KHDRBS2: variants seen among roughly 807,000 people sequenced by gnomAD.
KHDRBS2 encodes KH RNA binding domain containing, signal transduction associated 2, also known as KH domain-containing, RNA-binding, signal transduction-associated protein 2.
A neutral mutation model predicts 44.3 loss-of-function variants in KHDRBS2; 26 were observed. That is an observed-to-expected ratio of 0.59 (90% confidence interval 0.43 to 0.81). The LOEUF is 0.81. Ranked by LOEUF, KHDRBS2 falls within the 40% of genes least tolerant of loss-of-function variation. The probability of loss-of-function intolerance (pLI) is 0.00; values close to 1 mark genes in which losing one functional copy is unlikely to be tolerated. For missense variants in KHDRBS2, 476 were observed against 433.1 expected (o/e 1.10, Z -0.88); for synonymous variants, 194 against 151.1 (o/e 1.28, Z -2.08).
chr6:61,739,720 A>G (rs773291442), intron 6 of KHDRBS2, among the ~76,000 whole-genome samples: 2 of 151,932 alleles, frequency 1.3e-5, no homozygotes, highest in Non-Finnish European at 2.9e-5. Context: ...TCTGTAGTGT[A>G]AAAACTCTTA....
chr6:61,834,872 G>C (rs1792405735), intron 6 of KHDRBS2, among the ~76,000 whole-genome samples: 1 of 151,844 alleles, frequency 6.6e-6, no homozygotes, highest in Admixed American at 6.6e-5. Flanking sequence ...TTTAAAATTT[G>C]GTGTCGTAAA....
chr6:61,588,727 G>T, the KHDRBS2 span, among the ~76,000 whole-genome samples: 2 of 152,040 alleles, frequency 1.3e-5, no homozygotes, highest in East Asian at 3.9e-4. Flanking sequence ...GGGAGGTCAC[G>T]GTTGCAGTGA....
At chr6:62,076,407 T>A (rs1796343728) in intron 2 of KHDRBS2, among the ~76,000 whole-genome samples, 1 of 151,970 alleles carries the variant, frequency 6.6e-6, no homozygotes, top group South Asian at 2.1e-4. Context: ...GAAGAGATTG[T>A]GATGTTGGGA....
chr6:62,201,647 T>C (rs1827017567), intron 1 of KHDRBS2, among the ~76,000 whole-genome samples: 1 of 152,062 alleles, frequency 6.6e-6, no homozygotes. Context: ...CACTTTCGCT[T>C]TGGAAAAAAA....
At chr6:61,762,945 G>T (rs1287961689) in intron 6 of KHDRBS2, among the ~76,000 whole-genome samples, 2 of 152,092 alleles carry the variant, frequency 1.3e-5, no homozygotes, top group Non-Finnish European at 2.9e-5. Flanking sequence ...GCAGGAATGA[G>T]GGGTAGAGAG....
intron 2 of KHDRBS2, among the ~76,000 whole-genome samples, chr6:62,062,052 G>C (rs1217866563): frequency 6.6e-6 from 1 of 151,586 alleles, no homozygotes; most frequent in African/African-American, 2.4e-5. Flanking sequence ...TAATGGTAAA[G>C]GGATCAATTC....
intron 2 of KHDRBS2, among the ~76,000 whole-genome samples, chr6:62,106,083 C>A (rs1346970649): frequency 6.6e-6 from 1 of 152,068 alleles, no homozygotes; most frequent in African/African-American, 2.4e-5. Context: ...TGCAGTTGAG[C>A]AGTTTTGAGT....
At position 61,793,782 on chromosome 6, in the gene KHDRBS2, A is replaced by G. The variant is rs116753863; in HGVS notation, c.811-61018T>C. On this transcript the variant is annotated intron_variant, in intron 6 of 8. Coordinates refer to ENST00000281156, the MANE Select transcript of KHDRBS2 (RefSeq NM_152688.4). ...TCAAACACTTATTTTTGTAATGGTT[A>G]TGTGCAGACAGTATTTTTGTTCCTA... 4.4e-3 allele frequency among the ~76,000 whole-genome samples: 668 copies of G among 152,234 alleles called. 9 individuals carry two copies. Among genetic ancestry groups the G allele is most frequent in the African/African-American group, 0.015 (642 of 41,570 alleles).
At chr6:62,231,454 C>G (rs952156118) in intron 1 of KHDRBS2, among the ~76,000 whole-genome samples, 1 of 152,120 alleles carries the variant, frequency 6.6e-6, no homozygotes, top group Admixed American at 6.5e-5. Context: ...GAAGCCACCC[C>G]TATAACCCAA....
At chr6:61,584,007 A>G in the KHDRBS2 span, among the ~76,000 whole-genome samples, 5 of 151,494 alleles carry the variant, frequency 3.3e-5, no homozygotes, top group African/African-American at 1.2e-4. Flanking sequence ...TCAAGTTCAA[A>G]TTTTTCATTG....
At chr6:61,832,837 G>A (rs114693329) in intron 6 of KHDRBS2, among the ~76,000 whole-genome samples, 27 of 152,222 alleles carry the variant, frequency 1.8e-4, no homozygotes, top group Non-Finnish European at 2.6e-4. Flanking sequence ...AATGGCTTGC[G>A]TGATTGAACC....
intron 7 of KHDRBS2, among the ~76,000 whole-genome samples, chr6:61,699,127 A>T (rs1768268173): frequency 6.6e-6 from 1 of 152,052 alleles, no homozygotes; most frequent in Non-Finnish European, 1.5e-5. Context: ...TTCCAAGCAG[A>T]TTTTCTAGAA....
intron 6 of KHDRBS2, among the ~76,000 whole-genome samples, chr6:61,885,786 A>G (rs1241308086): frequency 6.6e-6 from 1 of 152,098 alleles, no homozygotes; most frequent in Admixed American, 6.5e-5. Context: ...ATGTAAACAC[A>G]TTTATAATCC....
intron 4 of KHDRBS2, among the ~76,000 whole-genome samples, chr6:61,960,232 C>A (rs1203711508): frequency 6.6e-6 from 1 of 151,998 alleles, no homozygotes. Context: ...CTTATAGTAC[C>A]TATTCTCTTG....
intron 1 of KHDRBS2, among the ~76,000 whole-genome samples, chr6:62,249,008 T>C (rs1836086016): frequency 6.6e-6 from 1 of 152,248 alleles, no homozygotes; most frequent in East Asian, 1.9e-4. Context: ...CTTTACATTT[T>C]GACCATGTAC....
chr6:61,643,865 A>C, the KHDRBS2 span, among the ~76,000 whole-genome samples: 1 of 152,214 alleles, frequency 6.6e-6, no homozygotes, highest in Admixed American at 6.5e-5. Flanking sequence ...AATATCATTA[A>C]AATGGTCATA....
At chr6:61,806,623 G>GTTAT (rs2127591309) in intron 6 of KHDRBS2, among the ~76,000 whole-genome samples, 1 of 113,084 alleles carries the variant, frequency 8.8e-6, no homozygotes, top group South Asian at 3.2e-4. Flanking sequence ...TATTATATTG[G>GTTAT]TATACGGGTC....
chr6:61,670,070 C>CTGTTTGTTATTTATT, the KHDRBS2 span, among the ~76,000 whole-genome samples: 2 of 151,274 alleles, frequency 1.3e-5, no homozygotes, highest in Non-Finnish European at 3.0e-5. Flanking sequence ...CTATTAACAG[C>CTGTTTGTTATTTATT]TATCTCTGAG....
intron 2 of KHDRBS2, among the ~76,000 whole-genome samples, chr6:62,144,362 TG>T (rs1813484436): frequency 6.6e-6 from 1 of 152,034 alleles, no homozygotes; most frequent in Non-Finnish European, 1.5e-5. Flanking sequence ...GTTAATAATC[TG>T]TAAACTTGAC....
Sources: gnomAD v4.1 joint callset for allele counts (sites outside exome capture counted in the v4.1 genomes callset) on GRCh38, gnomAD v4.1.1 for gene constraint, MANE v1.5 for transcripts, NCBI Gene and HGNC (gene_info 2026-07-23, HGNC 2026-07-21) for gene names.